The following DNAH17 variants were observed in gnomAD, a reference collection of about 807,000 sequenced individuals.
The protein encoded by DNAH17 is dynein axonemal heavy chain 17.
In DNAH17, 376 loss-of-function variants were observed where a neutral mutation model predicts 485.6. The ratio of observed to expected loss-of-function variants is 0.77; its 90% CI spans 0.71 to 0.84. DNAH17 has a LOEUF of 0.84. Among genes scored for constraint, DNAH17 ranks in the 40% least tolerant of loss-of-function variants. DNAH17 has a pLI of 0.00. For synonymous variants in DNAH17, 3,031 were observed against 2,405.9 expected, an observed-to-expected ratio of 1.26 and a Z score of -7.60; for missense variants, 6,370 against 5,839.3, an observed-to-expected ratio of 1.09 and a Z score of -2.96.
rs1448104945 is a variant in DNAH17 at position 78,500,476 on chromosome 17, A to G, written c.5484-15T>C. ...TGATATAGCACCTGCAAGTGACCACAGGTAAGCGTGTGTGCCAGCGACCCC... is the reference window on the plus strand; with the variant it reads ...TGATATAGCACCTGCAAGTGACCACGGGTAAGCGTGTGTGCCAGCGACCCC... On this transcript the variant is annotated splice_polypyrimidine_tract_variant and intron_variant, in intron 35 of 80. Coordinates refer to ENST00000389840, the MANE Select transcript of DNAH17 (RefSeq NM_173628.4). 2 of 1,553,742 alleles carry G rather than the reference A, an allele frequency of 1.3e-6. No homozygotes were observed. Among genetic ancestry groups the G allele is most frequent in the East Asian group, 2.3e-5 (1 of 43,880 alleles).
At position 78,443,457 on chromosome 17, in the gene DNAH17, C is replaced by T. The variant is rs542598004; in HGVS notation, c.11528+1147G>A. Among the ~76,000 whole-genome samples the T allele has an allele frequency of 4.6e-5, 7 of 152,342 alleles. No homozygotes were observed. The East Asian group carries it at 1.2e-3, about 25-fold the overall frequency. Reference sequence around the variant, plus strand: ...TCCACCCCCTCCTCCCCACCACTCCCGGTCCCTGTCCTCTCCTATCGGAGG... The same window carrying T: ...TCCACCCCCTCCTCCCCACCACTCCTGGTCCCTGTCCTCTCCTATCGGAGG... On this transcript the variant is annotated intron_variant, in intron 71 of 80. Coordinates refer to ENST00000389840, the MANE Select transcript of DNAH17 (RefSeq NM_173628.4).
In DNAH17 at chr17:78,501,351, G is replaced by T; in HGVS notation, c.5323-7C>A. ...AGGCCTGAGAACTCTCCACCTGCAGGATGAGCCGGAGCTCTTGTTGCCAGG... is the reference window on the plus strand; with the variant it reads ...AGGCCTGAGAACTCTCCACCTGCAGTATGAGCCGGAGCTCTTGTTGCCAGG... On this transcript the variant is annotated splice_polypyrimidine_tract_variant and splice_region_variant and intron_variant, in intron 34 of 80. Coordinates refer to ENST00000389840, the MANE Select transcript of DNAH17 (RefSeq NM_173628.4). The T allele has an allele frequency of 6.3e-7, 1 of 1,583,740 alleles. No individual in the cohort carries two copies. The highest frequency in any genetic ancestry group is 1.3e-5 in the African/African-American group (1 of 74,584).
At chr17:78,449,819 G>T in intron 68 of DNAH17, 1 of 516,152 alleles carries the variant, frequency 1.9e-6, no homozygotes, top group Non-Finnish European at 3.5e-6. Flanking sequence ...CTCCCAAGGC[G>T]CACACCACCA....
At chr17:78,570,223 AC>A (rs772368201) in intron 7 of DNAH17, 23 bp downstream of exon 7, 1 of 1,562,970 alleles carries the variant, frequency 6.4e-7, no homozygotes, top group Non-Finnish European at 8.7e-7. Flanking sequence ...GAGGAAGGGG[AC>A]CCAGGGGCCA....
intron 56 of DNAH17, among the ~76,000 whole-genome samples, chr17:78,463,986 G>A (rs944032686): frequency 1.1e-4 from 17 of 152,286 alleles, no homozygotes; most frequent in African/African-American, 3.8e-4. Flanking sequence ...AGAGTTCCTG[G>A]GAGTGGCCAG....
intron 9 of DNAH17, among the ~76,000 whole-genome samples, chr17:78,568,472 G>A (rs2092303408): frequency 6.6e-6 from 1 of 152,120 alleles, no homozygotes; most frequent in South Asian, 2.1e-4. Context: ...ACAGTTATAT[G>A]TGCACAAAGT....
intron 48 of DNAH17, among the ~76,000 whole-genome samples, chr17:78,483,082 C>T (rs1369529164): frequency 2.0e-5 from 3 of 152,016 alleles, no homozygotes; most frequent in Non-Finnish European, 4.4e-5. Context: ...ATGCACCTGT[C>T]CTCCTCTCCT....
intron 16 of DNAH17, among the ~76,000 whole-genome samples, chr17:78,547,171 T>C (rs756331438): frequency 2.0e-5 from 3 of 152,252 alleles, no homozygotes; most frequent in Non-Finnish European, 2.9e-5. Context: ...GCTAGTCTTT[T>C]TAAATGTTAA....
chr17:78,533,283 C>G (rs2091289140), intron 19 of DNAH17, among the ~76,000 whole-genome samples: 1 of 152,152 alleles, frequency 6.6e-6, no homozygotes, highest in African/African-American at 2.4e-5. Context: ...CAAAGAATCA[C>G]AGAAAAAAGC....
intron 25 of DNAH17, among the ~76,000 whole-genome samples, chr17:78,520,177 AAC>A (rs1238989273): frequency 1.3e-5 from 2 of 152,226 alleles, no homozygotes; most frequent in Non-Finnish European, 2.9e-5. Context: ...CATATCAGTA[AAC>A]ACAAAAAAAT....
intron 14 of DNAH17, among the ~76,000 whole-genome samples, chr17:78,555,543 C>CCAAAA (rs1555693737): frequency 2.6e-5 from 2 of 77,714 alleles, no homozygotes; most frequent in African/African-American, 1.1e-4. Flanking sequence ...GATTCCGTCA[C>CCAAAA]AAAAAAAAAA....
chr17:78,541,853 T>C (rs1242974210), intron 17 of DNAH17, among the ~76,000 whole-genome samples: 2 of 152,164 alleles, frequency 1.3e-5, no homozygotes, highest in Non-Finnish European at 2.9e-5. Flanking sequence ...CTCTTCCAAG[T>C]AACATTTTTG....
In DNAH17 at chr17:78,575,051, T is replaced by C. The variant is rs976573722; in HGVS notation, c.7A>G (p.Met3Val). ...TACTCTAGTCTGACGTCCGGGGCCA[T>C]TGTCATCTTGGCCTTTCCTTACACT... MT[M>V]APDVRLEYLE... Residue 3 changes from methionine (M) to valine (V), a missense_variant, in exon 2 of 81, where the codon ATG (methionine) becomes GTG (valine). Transcript: ENST00000389840. 11 of 1,611,820 alleles carry C rather than the reference T, an allele frequency of 6.8e-6. No homozygotes were observed. The highest frequency in any genetic ancestry group is 1.7e-4 in the Middle Eastern group (1 of 6,044).
chr17:78,494,532 G>A (rs2089994430), intron 40 of DNAH17, 61 bp downstream of exon 40: 1 of 1,538,674 alleles, frequency 6.5e-7, no homozygotes, highest in East Asian at 2.3e-5. Flanking sequence ...CAACATCAGT[G>A]GGAAGGAAGC....
chr17:78,486,235 A>C lies in DNAH17; in HGVS notation c.7090T>G (p.Phe2364Val). The change falls in exon 45 of 81, where the codon TTC (phenylalanine) becomes GTC (valine). Residue 2364 changes from phenylalanine (F) to valine (V), a missense_variant. Transcript: ENST00000389840. Reference sequence around the variant, plus strand: ...CCCAGGTGCATCACCTGGTCCTGGAACATGGCGCCACCGAAGGCCCAGAAG... The same window carrying C: ...CCCAGGTGCATCACCTGGTCCTGGACCATGGCGCCACCGAAGGCCCAGAAG... ...TCFWAFGGAM[F>V]QDQLVDYRVE... 1 of 1,588,774 alleles carries C rather than the reference A, an allele frequency of 6.3e-7. No homozygotes were observed. Among genetic ancestry groups the C allele is most frequent in the Non-Finnish European group, 8.6e-7 (1 of 1,164,588 alleles).
intron 73 of DNAH17, 131 bp downstream of exon 73, chr17:78,438,959 G>T: frequency 7.5e-7 from 1 of 1,332,376 alleles, no homozygotes; most frequent in Non-Finnish European, 1.0e-6. Context: ...CTCCTTCAGT[G>T]GTGTTAGGAT....
intron 16 of DNAH17, among the ~76,000 whole-genome samples, chr17:78,545,245 G>A (rs1170226281): frequency 1.3e-5 from 2 of 152,190 alleles, no homozygotes; most frequent in Non-Finnish European, 2.9e-5. Context: ...GATTAAGCCT[G>A]TGTTTACCTT....
At chr17:78,428,129 T>C (rs1177454803) in intron 77 of DNAH17, among the ~76,000 whole-genome samples, 2 of 152,200 alleles carry the variant, frequency 1.3e-5, no homozygotes, top group African/African-American at 4.8e-5. Flanking sequence ...CTGGAGTACC[T>C]GCCTGCACAT....
rs755168686 is a variant in DNAH17, at chr17:78,468,713, G to A, written c.8682C>T (p.Ile2894=). The A allele has an allele frequency of 5.0e-6, 8 of 1,613,922 alleles. No homozygotes were observed. In the African/African-American group the frequency reaches 9.3e-5, roughly 19 times the overall value. ...LFMEDEVENI[I]SSMRPQVKSL... ...ACTTGACTTGGGGTCGCATGGAGGAGATGATGTTCTCCACCTCGTCCTCCA... is the reference window on the plus strand; with the variant it reads ...ACTTGACTTGGGGTCGCATGGAGGAAATGATGTTCTCCACCTCGTCCTCCA... Residue 2894 remains isoleucine, a synonymous_variant, in exon 55 of 81, where the codon ATC becomes ATT. Coordinates refer to ENST00000389840, the MANE Select transcript of DNAH17 (RefSeq NM_173628.4).
Sources: gnomAD v4.1 joint callset for allele counts (sites outside exome capture counted in the v4.1 genomes callset) on GRCh38, gnomAD v4.1.1 for gene constraint, MANE v1.5 for transcripts, NCBI Gene and HGNC (gene_info 2026-07-23, HGNC 2026-07-21) for gene names.